CNTNAP5: variants seen among roughly 807,000 people sequenced by gnomAD.
CNTNAP5 encodes contactin associated protein family member 5, also known as contactin-associated protein-like 5.
In CNTNAP5, 72 loss-of-function variants were observed where a neutral mutation model predicts 150.2. The ratio of observed to expected loss-of-function variants is 0.48; its 90% CI spans 0.40 to 0.58. The LOEUF (loss-of-function observed/expected upper bound fraction) is 0.58. CNTNAP5 is among the 20% of genes least tolerant of loss of function. The pLI, the probability that CNTNAP5 is intolerant of heterozygous loss-of-function variation, is 0.00. For synonymous variants in CNTNAP5, 672 were observed against 619.8 expected, an observed-to-expected ratio of 1.08 and a Z score of -1.25; for missense variants, 1,636 against 1,626.2, an observed-to-expected ratio of 1.01 and a Z score of -0.10.
At chr2:124,447,118 G>A (rs942993057) in intron 6 of CNTNAP5, among the ~76,000 whole-genome samples, 181 bp downstream of exon 6, 33 of 152,272 alleles carry the variant, frequency 2.2e-4, no homozygotes, top group Admixed American at 6.5e-5. Context: ...GAGAATCTGA[G>A]CAGTGAAGGA....
intron 17 of CNTNAP5, among the ~76,000 whole-genome samples, chr2:124,786,208 C>A (rs542918909): frequency 8.0e-5 from 12 of 150,758 alleles, no homozygotes; most frequent in Admixed American, 6.6e-5. Flanking sequence ...GGCTGCAGTG[C>A]GCTATGATCA....
intron 3 of CNTNAP5, among the ~76,000 whole-genome samples, chr2:124,295,384 A>C (rs573586783): frequency 1.8e-4 from 28 of 152,298 alleles, no homozygotes; most frequent in African/African-American, 6.5e-4. Context: ...TGTATGCTCG[A>C]ATATATAGAG....
chr2:124,659,398 A>G (rs888147111), intron 13 of CNTNAP5, among the ~76,000 whole-genome samples: 5 of 152,210 alleles, frequency 3.3e-5, no homozygotes, highest in African/African-American at 1.2e-4. Context: ...TATCTTGGAA[A>G]GAGACAGTGG....
chr2:124,584,044 A>G (rs1696472748), intron 11 of CNTNAP5, among the ~76,000 whole-genome samples: 1 of 152,160 alleles, frequency 6.6e-6, no homozygotes, highest in South Asian at 2.1e-4. Flanking sequence ...TGAGAAGACA[A>G]CAGCTTTCCA....
At chr2:124,861,176 C>G (rs1226834075) in intron 19 of CNTNAP5, among the ~76,000 whole-genome samples, 1 of 151,906 alleles carries the variant, frequency 6.6e-6, no homozygotes, top group Non-Finnish European at 1.5e-5. Flanking sequence ...ACCATCGGTT[C>G]TTTTAAGAGG....
At chr2:124,460,712 C>T (rs1693226166) in intron 6 of CNTNAP5, among the ~76,000 whole-genome samples, 1 of 152,184 alleles carries the variant, frequency 6.6e-6, no homozygotes, top group Non-Finnish European at 1.5e-5. Flanking sequence ...CTAATAGGTT[C>T]TCCATGCTCA....
At chr2:124,212,829 C>CTT (rs66534077) in intron 1 of CNTNAP5, among the ~76,000 whole-genome samples, 4,731 of 62,974 alleles carry the variant, frequency 0.075, 918 homozygotes, top group Non-Finnish European at 0.11. Context: ...GTAGATAAAT[C>CTT]TTTTTTTTTT....
rs189754444 is a variant in CNTNAP5 at position 124,570,562 on chromosome 2, G to A, written c.1756+7239G>A. 6.1e-3 allele frequency among the ~76,000 whole-genome samples: 928 copies of A among 152,116 alleles called. 1 individual carries two copies. The highest frequency in any genetic ancestry group is 0.027 in the Middle Eastern group (8 of 294). On this transcript the variant is annotated intron_variant, in intron 11 of 23. Coordinates refer to ENST00000682447, the MANE Select transcript of CNTNAP5 (RefSeq NM_001367498.1). ...ACTAAGAGCCAGCCACAGTTTGTTG[G>A]GGATCGGGTTGCTAATATTTGTTTG...
At position 124,446,910 on chromosome 2, in the gene CNTNAP5, G is replaced by C; in HGVS notation, c.891G>C (p.Glu297Asp). The C allele has an allele frequency of 6.2e-7, 1 of 1,613,842 alleles. No individual in the cohort carries two copies. Among genetic ancestry groups the C allele is most frequent in the Non-Finnish European group, 8.5e-7 (1 of 1,179,774 alleles). Residue 297 changes from glutamate to aspartate, a missense_variant, in exon 6 of 24, where the codon GAG (glutamate) becomes GAC (aspartate). Transcript: ENST00000682447. ...CACAGCACTTCCGCACCAAGGGCGA[G>C]ACGGATGCCTTAGACATTGACTATG... ...KHTQHFRTKG[E>D]TDALDIDYEL...
rs1316001695 is a variant in CNTNAP5, at chr2:124,747,237, C to A, written c.2086C>A (p.Pro696Thr). ...SRLLNTPDGT[P>T]FTWWIGRSNE... is the part of the protein sequence containing the mutation. ...AATATCTTGTCTTCCAGATGGAACA[C>A]CATTTACCTGGTGGATTGGGCGGTC... The change falls in exon 14 of 24, where the codon CCA becomes ACA. Residue 696 changes from proline to threonine, a missense_variant. Coordinates refer to ENST00000682447, the MANE Select transcript of CNTNAP5 (RefSeq NM_001367498.1). 6.2e-7 allele frequency: 1 copy of A among 1,613,318 alleles called. No homozygotes were observed. The highest frequency in any genetic ancestry group is 8.5e-7 in the Non-Finnish European group (1 of 1,179,506).
chr2:124,132,266 C>A (rs141122021), intron 1 of CNTNAP5, among the ~76,000 whole-genome samples: 2 of 152,126 alleles, frequency 1.3e-5, no homozygotes, highest in Non-Finnish European at 2.9e-5. Context: ...TTCCTCATAG[C>A]GCTCACTGGT....
At chr2:124,066,990 T>C (rs368485852) in intron 1 of CNTNAP5, among the ~76,000 whole-genome samples, 3 of 152,290 alleles carry the variant, frequency 2.0e-5, no homozygotes, top group African/African-American at 7.2e-5. Context: ...ATTGTACTCT[T>C]CAAGACCACA....
chr2:124,239,040 A>G (rs747679030), intron 2 of CNTNAP5, among the ~76,000 whole-genome samples: 22 of 152,184 alleles, frequency 1.4e-4, no homozygotes, highest in Non-Finnish European at 2.9e-4. Flanking sequence ...AATTTTTAAC[A>G]TGATGTGTTG....
chr2:124,581,069 T>C (rs1454712006), intron 11 of CNTNAP5, among the ~76,000 whole-genome samples: 1 of 152,250 alleles, frequency 6.6e-6, no homozygotes, highest in Middle Eastern at 3.4e-3. Context: ...AGAGCACAGA[T>C]CGTGGGCTTG....
At chr2:124,553,546 GGATT>G (rs1277753693) in intron 10 of CNTNAP5, among the ~76,000 whole-genome samples, 1 of 148,136 alleles carries the variant, frequency 6.8e-6, no homozygotes, top group Non-Finnish European at 1.5e-5. Context: ...GAAAATAAAA[GGATT>G]GATTATGCAG....
At chr2:124,560,854 C>A (rs1695875392) in intron 10 of CNTNAP5, among the ~76,000 whole-genome samples, 1 of 152,042 alleles carries the variant, frequency 6.6e-6, no homozygotes, top group Non-Finnish European at 1.5e-5. Flanking sequence ...TCTTTCACTG[C>A]AGACAAATTT....
intron 7 of CNTNAP5, among the ~76,000 whole-genome samples, chr2:124,488,202 G>A (rs1693935017): frequency 6.6e-6 from 1 of 152,090 alleles, no homozygotes; most frequent in African/African-American, 2.4e-5. Flanking sequence ...AGATTTTTTA[G>A]TCTTCATTTC....
chr2:124,884,055 G>A (rs1456700065), intron 21 of CNTNAP5, among the ~76,000 whole-genome samples: 2 of 152,068 alleles, frequency 1.3e-5, no homozygotes, highest in Non-Finnish European at 2.9e-5. Context: ...TCCACTCTGT[G>A]TGTATATGTG....
chr2:124,446,952 C>T lies in CNTNAP5; in HGVS notation c.918+15C>T, dbSNP rs767492696. On this transcript the variant is annotated intron_variant, in intron 6 of 23. Coordinates refer to ENST00000682447, the MANE Select transcript of CNTNAP5 (RefSeq NM_001367498.1). ...TTGACTATGAGGTGAGTTGATCCTC[C>T]TTCCTGCACCTCCTCGGCCCCTTGC... 16 of 1,607,128 alleles carry T rather than the reference C, an allele frequency of 1.0e-5. No homozygotes were observed. The South Asian group carries it at 1.1e-4, about 11-fold the overall frequency.
Sources: gnomAD v4.1 joint callset for allele counts (sites outside exome capture counted in the v4.1 genomes callset) on GRCh38, gnomAD v4.1.1 for gene constraint, MANE v1.5 for transcripts, NCBI Gene and HGNC (gene_info 2026-07-23, HGNC 2026-07-21) for gene names.